The following DAB1 variants were observed in gnomAD, a reference collection of about 807,000 sequenced individuals.
DAB1 encodes the protein disabled homolog 1.
DAB1 carries 15 observed loss-of-function variants against 64.6 expected under a neutral mutation model. The observed-to-expected ratio is 0.23, with a 90% CI of 0.16 to 0.36. DAB1 has a LOEUF of 0.36. Ranked by LOEUF, DAB1 falls within the 10% of genes least tolerant of loss-of-function variation. The probability of loss-of-function intolerance (pLI) is 1.00; values close to 1 mark genes in which losing one functional copy is unlikely to be tolerated. For missense variants in DAB1, 596 were observed against 706.7 expected (o/e 0.84, Z 1.78); for synonymous variants, 235 against 251.9 (o/e 0.93, Z 0.64).
intron 5 of DAB1, among the ~76,000 whole-genome samples, chr1:57,911,227 G>A (rs1035093702): frequency 1.3e-5 from 2 of 152,190 alleles, no homozygotes; most frequent in African/African-American, 4.8e-5. Flanking sequence ...ACAGGAGACA[G>A]GTATAAGGAT....
intron 7 of DAB1, among the ~76,000 whole-genome samples, chr1:57,562,773 C>T (rs1051666295): frequency 8.5e-5 from 13 of 152,110 alleles, no homozygotes; most frequent in Non-Finnish European, 1.8e-4. Flanking sequence ...GAGATGCTGC[C>T]ACCAGGAGAC....
At chr1:57,845,826 C>T (rs1406268616) in intron 1 of DAB1, among the ~76,000 whole-genome samples, 1 of 152,122 alleles carries the variant, frequency 6.6e-6, no homozygotes, top group Non-Finnish European at 1.5e-5. Flanking sequence ...TAACTTTTAC[C>T]CATTGTACTT....
At chr1:57,140,784 G>A (rs1348062351) in intron 3 of DAB1, among the ~76,000 whole-genome samples, 1 of 152,134 alleles carries the variant, frequency 6.6e-6, no homozygotes, top group Non-Finnish European at 1.5e-5. Flanking sequence ...GGCACTGTGT[G>A]AAATGATTGA....
intron 7 of DAB1, among the ~76,000 whole-genome samples, chr1:57,632,199 G>A (rs1645998313): frequency 2.0e-5 from 3 of 152,194 alleles, no homozygotes; most frequent in African/African-American, 4.8e-5. Flanking sequence ...TTACTACAAC[G>A]TAGTGCTGCA....
chr1:57,460,003 T>C (rs533357012), intron 7 of DAB1, among the ~76,000 whole-genome samples: 1 of 152,216 alleles, frequency 6.6e-6, no homozygotes, highest in East Asian at 1.9e-4. Flanking sequence ...CTTACAGTGG[T>C]GTTGCAAAGA....
intron 5 of DAB1, among the ~76,000 whole-genome samples, chr1:58,095,906 T>C (rs1650950473): frequency 6.6e-6 from 1 of 152,124 alleles, no homozygotes; most frequent in Non-Finnish European, 1.5e-5. Flanking sequence ...GGCCTGGGGA[T>C]TGAATGATGT....
At chr1:58,233,251 T>C (rs1026047311) in intron 4 of DAB1, among the ~76,000 whole-genome samples, 2 of 152,220 alleles carry the variant, frequency 1.3e-5, no homozygotes, top group African/African-American at 4.8e-5. Context: ...TATTGAGCAT[T>C]GATTATGCTG....
intron 4 of DAB1, among the ~76,000 whole-genome samples, chr1:57,126,658 A>T (rs1474723784): frequency 6.6e-6 from 1 of 152,182 alleles, no homozygotes; most frequent in East Asian, 1.9e-4. Flanking sequence ...CGTGATCATT[A>T]TCATTACTAT....
chr1:57,896,893 G>C (rs1230116874), intron 5 of DAB1, among the ~76,000 whole-genome samples: 1 of 151,996 alleles, frequency 6.6e-6, no homozygotes, highest in Admixed American at 6.6e-5. Flanking sequence ...ATCTGCATGT[G>C]GCAAAAAAGA....
intron 1 of DAB1, among the ~76,000 whole-genome samples, chr1:58,545,521 T>G (rs1254905795): frequency 6.7e-6 from 1 of 149,974 alleles, no homozygotes; most frequent in Non-Finnish European, 1.5e-5. Flanking sequence ...AAAAAAAAAA[T>G]CAGGGCTGAC....
chr1:58,177,990 A>G (rs1656580535), intron 4 of DAB1, among the ~76,000 whole-genome samples: 1 of 152,152 alleles, frequency 6.6e-6, no homozygotes. Flanking sequence ...CCCTCCTCCC[A>G]GTGGGGTTGT....
intron 6 of DAB1, among the ~76,000 whole-genome samples, chr1:57,690,193 A>G (rs1261074641): frequency 1.3e-5 from 2 of 152,112 alleles, no homozygotes; most frequent in Non-Finnish European, 2.9e-5. Flanking sequence ...AATCTTGGCT[A>G]TTGTGAACAG....
At chr1:57,902,328 G>C (rs568149342) in intron 5 of DAB1, among the ~76,000 whole-genome samples, 1 of 151,848 alleles carries the variant, frequency 6.6e-6, no homozygotes, top group African/African-American at 2.4e-5. Flanking sequence ...AACTACTGGA[G>C]AATAACTTGG....
chr1:58,423,442 C>A (rs1406632295), intron 3 of DAB1, among the ~76,000 whole-genome samples: 1 of 152,188 alleles, frequency 6.6e-6, no homozygotes, highest in African/African-American at 2.4e-5. Flanking sequence ...GAAGTTCCAA[C>A]TGGAGGTAGA....
At chr1:57,793,569 GA>G (rs1450102669) in intron 6 of DAB1, among the ~76,000 whole-genome samples, 3 of 152,096 alleles carry the variant, frequency 2.0e-5, no homozygotes, top group Non-Finnish European at 4.4e-5. Context: ...GGCCAATACT[GA>G]CCAATGCTGG....
At chr1:57,803,379 TAG>T (rs1423089241) in intron 6 of DAB1, among the ~76,000 whole-genome samples, 1 of 152,154 alleles carries the variant, frequency 6.6e-6, no homozygotes, top group South Asian at 2.1e-4. Flanking sequence ...GTTAAGAACA[TAG>T]AGTTTCTGAC....
intron 9 of DAB1, chr1:57,033,604 G>A: frequency 6.3e-7 from 1 of 1,588,278 alleles, no homozygotes; most frequent in African/African-American, 1.3e-5. Context: ...GAATGAGGAT[G>A]AAGTGAATGA....
At chr1:57,304,499 C>A (rs560420650) in intron 1 of DAB1, among the ~76,000 whole-genome samples, 4 of 152,290 alleles carry the variant, frequency 2.6e-5, no homozygotes, top group African/African-American at 7.2e-5. Context: ...CCTGGGAATT[C>A]AAACTGTGGC....
In DAB1 at chr1:58,011,109, C is replaced by T. The variant is rs190416032; in HGVS notation, n.388-126947G>A. On this transcript the variant is annotated intron_variant and non_coding_transcript_variant, in intron 5 of 20. Coordinates refer to the DAB1 transcript ENST00000485760. ...GATCTCTTATATTTAGCATGACAAC[C>T]ACCAGGCCTTCACTTTCTGGTCATC... 1.3e-4 allele frequency among the ~76,000 whole-genome samples: 20 copies of T among 152,292 alleles called. 1 individual carries two copies. In the East Asian group the frequency reaches 3.3e-3, roughly 25 times the overall value.
Sources: gnomAD v4.1 joint callset for allele counts (sites outside exome capture counted in the v4.1 genomes callset) on GRCh38, gnomAD v4.1.1 for gene constraint, MANE v1.5 for transcripts, NCBI Gene and HGNC (gene_info 2026-07-23, HGNC 2026-07-21) for gene names.